Variants in GPR176 observed in about 807,000 individuals in gnomAD.
GPR176 encodes the protein G-protein coupled receptor 176.
A neutral mutation model predicts 35.4 loss-of-function variants in GPR176; 26 were observed. That is an observed-to-expected ratio of 0.74 (90% CI 0.54 to 1.02). The LOEUF (loss-of-function observed/expected upper bound fraction) is 1.02, where lower values mean the gene tolerates loss of function less well. GPR176 is among the 50% of genes least tolerant of loss of function. The pLI is 0.00. For missense variants in GPR176, 597 were observed against 665.3 expected (o/e 0.90, Z 1.13); for synonymous variants, 278 against 271.3 (o/e 1.02, Z -0.24).
chr15:39,859,006 CA>C (rs1264206206), intron 1 of GPR176, among the ~76,000 whole-genome samples: 3 of 152,054 alleles, frequency 2.0e-5, no homozygotes, highest in Non-Finnish European at 4.4e-5. Flanking sequence ...CTGGGCCTCC[CA>C]AAACACTGGG....
intron 1 of GPR176, among the ~76,000 whole-genome samples, chr15:39,808,207 T>C (rs1004836848): frequency 1.3e-5 from 2 of 151,854 alleles, no homozygotes; most frequent in African/African-American, 2.4e-5. Flanking sequence ...TAAAGTAGGG[T>C]TTTCCCCTCA....
intron 1 of GPR176, among the ~76,000 whole-genome samples, chr15:39,900,542 T>C (rs2033246738): frequency 6.6e-6 from 1 of 152,214 alleles, no homozygotes; most frequent in Admixed American, 6.5e-5. Flanking sequence ...GCTGCCCACG[T>C]ACTCCCGTTG....
chr15:39,896,064 T>G (rs1201244539), intron 1 of GPR176, among the ~76,000 whole-genome samples: 2 of 151,848 alleles, frequency 1.3e-5, no homozygotes, highest in Admixed American at 6.6e-5. Flanking sequence ...ATATTATTAT[T>G]TTTTTTTAGA....
chr15:39,836,967 T>C (rs925218485), intron 1 of GPR176, among the ~76,000 whole-genome samples: 2 of 152,174 alleles, frequency 1.3e-5, no homozygotes, highest in African/African-American at 4.8e-5. Flanking sequence ...ATCTGACTAA[T>C]ACCAGAAGTC....
chr15:39,858,746 C>CT (rs909136363), intron 1 of GPR176, among the ~76,000 whole-genome samples: 19 of 151,284 alleles, frequency 1.3e-4, no homozygotes, highest in South Asian at 6.3e-4. Flanking sequence ...AATACAAATT[C>CT]TTTTTTTTTC....
intron 1 of GPR176, among the ~76,000 whole-genome samples, chr15:39,897,968 A>G (rs545403645): frequency 6.6e-6 from 1 of 152,266 alleles, no homozygotes; most frequent in African/African-American, 2.4e-5. Context: ...CCAGCAAGTG[A>G]CCCTATCTGT....
chr15:39,821,361 A>G (rs1900261918), intron 1 of GPR176, among the ~76,000 whole-genome samples: 1 of 152,196 alleles, frequency 6.6e-6, no homozygotes, highest in Admixed American at 6.6e-5. Context: ...TCACAGTGCA[A>G]TCAATGTCAC....
intron 1 of GPR176, among the ~76,000 whole-genome samples, chr15:39,853,958 A>C (rs1381679970): frequency 2.0e-5 from 3 of 152,156 alleles, no homozygotes; most frequent in African/African-American, 7.2e-5. Context: ...ATTTAACTCT[A>C]GGTGAAGACT....
chr15:39,820,989 G>C (rs1049908146), intron 1 of GPR176, among the ~76,000 whole-genome samples: 2 of 152,272 alleles, frequency 1.3e-5, no homozygotes, highest in East Asian at 3.9e-4. Flanking sequence ...TGGACAAAAG[G>C]TTTCTTTGCT....
chr15:39,893,204 A>G (rs1285676816), intron 1 of GPR176, among the ~76,000 whole-genome samples: 1 of 152,156 alleles, frequency 6.6e-6, no homozygotes, highest in Non-Finnish European at 1.5e-5. Flanking sequence ...CAGCAGATAA[A>G]CAAGTGAACA....
At chr15:39,805,403 T>C (rs1265588880) in intron 2 of GPR176, among the ~76,000 whole-genome samples, 1 of 151,962 alleles carries the variant, frequency 6.6e-6, no homozygotes, top group Admixed American at 6.5e-5. Flanking sequence ...ACCCACATAA[T>C]ACTTTTTGAA....
intron 1 of GPR176, among the ~76,000 whole-genome samples, chr15:39,897,430 T>C (rs1768452004): frequency 6.6e-6 from 1 of 152,206 alleles, no homozygotes; most frequent in Non-Finnish European, 1.5e-5. Context: ...TTAAGACTTA[T>C]CTCTCAAACA....
chr15:39,902,592 A>G lies in GPR176; in HGVS notation c.172+17263T>C, dbSNP rs78210159. Among the ~76,000 whole-genome samples the G allele has an allele frequency of 4.6e-3, 707 of 152,320 alleles. 7 individuals carry two copies. Among genetic ancestry groups the G allele is most frequent in the African/African-American group, 0.016 (679 of 41,560 alleles). ...GTCAAATACAAAAGGTGCTATTCTC[A>G]TCAATCAATGAAAGGGTCTGAAAAC... On this transcript the variant is annotated intron_variant, in intron 1 of 2. Transcript: ENST00000561100.
intron 1 of GPR176, among the ~76,000 whole-genome samples, chr15:39,828,473 T>C (rs1900833960): frequency 6.6e-6 from 1 of 152,112 alleles, no homozygotes; most frequent in African/African-American, 2.4e-5. Flanking sequence ...TCCTGGTTCT[T>C]TGGGGATTAG....
chr15:39,914,712 G>A (rs1334886641), intron 1 of GPR176, among the ~76,000 whole-genome samples: 2 of 152,168 alleles, frequency 1.3e-5, no homozygotes, highest in Admixed American at 1.3e-4. Context: ...ATTATTGGCT[G>A]TAAGTATTGT....
Position 39,831,094 on chromosome 15 carries a change from T to C in GPR176, c.173-23836A>G, listed in dbSNP as rs74008936. On this transcript the variant is annotated intron_variant, in intron 1 of 2. Coordinates refer to ENST00000561100, the MANE Select transcript of GPR176 (RefSeq NM_007223.3). ...CTTAAGGTTGGAACGGGGGAACCTT[T>C]TGGAGACCACTGAAGCATGTGTTAA... Among the ~76,000 whole-genome samples the C allele has an allele frequency of 4.5e-3, 679 of 152,304 alleles. 2 individuals carry two copies. Among genetic ancestry groups the C allele is most frequent in the Middle Eastern group, 0.014 (4 of 294 alleles).
At chr15:39,899,468 C>T (rs1256674469) in intron 1 of GPR176, among the ~76,000 whole-genome samples, 2 of 152,176 alleles carry the variant, frequency 1.3e-5, no homozygotes, top group Non-Finnish European at 2.9e-5. Context: ...GATTCTTTTA[C>T]ACATTGATGT....
chr15:39,846,690 A>G (rs979660209), intron 1 of GPR176, among the ~76,000 whole-genome samples: 2 of 152,210 alleles, frequency 1.3e-5, no homozygotes, highest in Admixed American at 6.5e-5. Context: ...AACATTTTTC[A>G]CGTGCTGAAA....
chr15:39,833,777 C>A (rs1365981137), intron 1 of GPR176, among the ~76,000 whole-genome samples: 2 of 152,228 alleles, frequency 1.3e-5, no homozygotes, highest in African/African-American at 4.8e-5. Context: ...TTAAAGGTTG[C>A]TTTTAGTGAC....
Sources: gnomAD v4.1 joint callset for allele counts (sites outside exome capture counted in the v4.1 genomes callset) on GRCh38, gnomAD v4.1.1 for gene constraint, MANE v1.5 for transcripts, NCBI Gene and HGNC (gene_info 2026-07-23, HGNC 2026-07-21) for gene names.